GLRA1: variants seen among roughly 807,000 people sequenced by gnomAD.
GLRA1 encodes glycine receptor alpha 1, also known as glycine receptor subunit alpha-1.
GLRA1 carries 37 observed loss-of-function variants against 48.3 expected under a neutral mutation model. That is an observed-to-expected ratio of 0.77 (90% CI 0.59 to 1.01). GLRA1 has a LOEUF of 1.01. GLRA1 is among the 50% of genes least tolerant of loss of function. GLRA1 has a pLI of 0.00. For synonymous variants in GLRA1, 196 were observed against 210.7 expected (o/e 0.93, Z 0.60); for missense variants, 427 against 571.0 (o/e 0.75, Z 2.57).
At chr5:151,823,692 C>T (rs1036454123) in intron 8 of GLRA1, among the ~76,000 whole-genome samples, 1 of 152,214 alleles carries the variant, frequency 6.6e-6, no homozygotes, top group Non-Finnish European at 1.5e-5. Flanking sequence ...CATTTGGCTC[C>T]AACTTACCTT....
In GLRA1 at chr5:151,829,065, C is replaced by T. The variant is rs150716717; in HGVS notation, c.915G>A (p.Val305=). The T allele has an allele frequency of 7.2e-5, 116 of 1,613,814 alleles. No individual in the cohort carries two copies. The African/African-American group carries it at 1.2e-3, about 17-fold the overall frequency. ...AAATGTCAATGGCTTTCACATAGGACACCTAGAGTGGGGGTGGAGGAGAAA... is the reference window on the plus strand; with the variant it reads ...AAATGTCAATGGCTTTCACATAGGATACCTAGAGTGGGGGTGGAGGAGAAA... ...SSGSRASLPK[V]SYVKAIDIWM... The change falls in exon 8 of 9, where the codon GTG becomes GTA. Residue 305 remains valine, a splice_region_variant and synonymous_variant. Transcript: ENST00000274576.
At chr5:151,913,027 G>A (rs930688633) in intron 1 of GLRA1, among the ~76,000 whole-genome samples, 2 of 152,196 alleles carry the variant, frequency 1.3e-5, no homozygotes, top group African/African-American at 4.8e-5. Flanking sequence ...GCTAGGTATA[G>A]AGGCAATCCA....
chr5:151,850,687 A>C (rs1752877583), intron 7 of GLRA1: 1 of 1,235,024 alleles, frequency 8.1e-7, no homozygotes, highest in African/African-American at 1.5e-5. Flanking sequence ...GTTACTTTGA[A>C]GACTGTTGCC....
chr5:151,887,600 T>A (rs1185034949), intron 2 of GLRA1, among the ~76,000 whole-genome samples: 3 of 152,234 alleles, frequency 2.0e-5, no homozygotes, highest in African/African-American at 7.2e-5. Context: ...TGTTCATGCC[T>A]ACATAACTAG....
intron 4 of GLRA1, 111 bp from the exon 5 acceptor site, chr5:151,856,494 A>G (rs1753047352): frequency 1.4e-6 from 1 of 724,482 alleles, no homozygotes; most frequent in Non-Finnish European, 2.6e-6. Context: ...AAAGAAGGTC[A>G]GGGAACTTGT....
intron 1 of GLRA1, among the ~76,000 whole-genome samples, chr5:151,894,686 C>T (rs1303602739): frequency 2.0e-5 from 3 of 152,152 alleles, no homozygotes; most frequent in Non-Finnish European, 4.4e-5. Context: ...ACCATGGTGT[C>T]TCATACATAA....
chr5:151,892,288 T>C lies in GLRA1; in HGVS notation c.184+23A>G, dbSNP rs747798261. 2.5e-6 allele frequency: 4 copies of C among 1,611,934 alleles called. No homozygotes were observed. The East Asian group carries it at 8.9e-5, about 36-fold the overall frequency. ...ATCTGGGAAAGCATTTCCCTGTGGGTCTGGAAGGAATATTTTCTCTACCTT... is the reference window on the plus strand; with the variant it reads ...ATCTGGGAAAGCATTTCCCTGTGGGCCTGGAAGGAATATTTTCTCTACCTT... On this transcript the variant is annotated intron_variant, in intron 2 of 8. Coordinates refer to ENST00000274576, the MANE Select transcript of GLRA1 (RefSeq NM_000171.4).
chr5:151,860,423 C>A (rs1289781217), intron 3 of GLRA1, among the ~76,000 whole-genome samples: 1 of 152,050 alleles, frequency 6.6e-6, no homozygotes, highest in Non-Finnish European at 1.5e-5. Context: ...ACCCTCAACC[C>A]CAATACTACA....
At chr5:151,919,468 C>T (rs1425857454) in intron 1 of GLRA1, among the ~76,000 whole-genome samples, 1 of 152,194 alleles carries the variant, frequency 6.6e-6, no homozygotes, top group Non-Finnish European at 1.5e-5. Context: ...TGTCAATAAT[C>T]ATGTCTGGGT....
At chr5:151,913,714 G>A (rs1485466085) in intron 1 of GLRA1, among the ~76,000 whole-genome samples, 1 of 152,154 alleles carries the variant, frequency 6.6e-6, no homozygotes, top group Non-Finnish European at 1.5e-5. Flanking sequence ...GCAGCTAAAG[G>A]CTCTCTGAAG....
At chr5:151,836,248 AGG>A (rs1202506886) in intron 7 of GLRA1, among the ~76,000 whole-genome samples, 9 of 152,200 alleles carry the variant, frequency 5.9e-5, no homozygotes, top group Admixed American at 2.0e-4. Flanking sequence ...ACAGCTTACA[AGG>A]GATGTGAAGG....
intron 7 of GLRA1, among the ~76,000 whole-genome samples, chr5:151,843,406 A>C (rs111685496): frequency 0.19 from 29,297 of 151,528 alleles, 3,507 homozygotes; most frequent in South Asian, 0.32. Flanking sequence ...GACTACAGGC[A>C]CCTGCCACCA....
At chr5:151,856,216 A>C in intron 5 of GLRA1, 85 bp downstream of exon 5, 1 of 864,982 alleles carries the variant, frequency 1.2e-6, no homozygotes, top group South Asian at 1.4e-5. Flanking sequence ...TCTAGTGGTT[A>C]GGAGCAGCTG....
rs1554085896 is a variant in GLRA1 at position 151,886,737 on chromosome 5, A to G, written c.236T>C (p.Ile79Thr). The G allele has an allele frequency of 1.2e-6, 2 of 1,611,698 alleles. No individual in the cohort carries two copies. The highest frequency in any genetic ancestry group is 1.7e-6 in the Non-Finnish European group (2 of 1,177,740). The change falls in exon 3 of 9, where the codon ATT becomes ACT. Residue 79 changes from isoleucine (I) to threonine (T), a missense_variant. Around this residue, in one of 4 missense-constraint regions of GLRA1, gnomAD observed 271 missense variants for 434.9 expected, o/e 0.62. Coordinates refer to ENST00000274576, the MANE Select transcript of GLRA1 (RefSeq NM_000171.4). ...CNIFINSFGS[I>T]AETTMDYRVN... The stretch of plus-strand genomic sequence containing the variant: ...CTTACTCACCATGGTTGTCTCAGCA[A>G]TGGAACCAAAGCTGTTGATGAAAAT...
intron 7 of GLRA1, among the ~76,000 whole-genome samples, chr5:151,844,229 T>C (rs970572786): frequency 1.3e-5 from 2 of 151,484 alleles, no homozygotes; most frequent in Non-Finnish European, 2.9e-5. Flanking sequence ...TAAATCTAAA[T>C]GTGCCAAAGA....
At chr5:151,915,058 G>T (rs1400919267) in intron 1 of GLRA1, among the ~76,000 whole-genome samples, 1 of 152,088 alleles carries the variant, frequency 6.6e-6, no homozygotes, top group Non-Finnish European at 1.5e-5. Context: ...TCTTACCTTT[G>T]GCAAGTTACA....
chr5:151,829,288 A>T (rs1206225241), intron 7 of GLRA1, among the ~76,000 whole-genome samples: 1 of 152,248 alleles, frequency 6.6e-6, no homozygotes, highest in East Asian at 1.9e-4. Context: ...GGTACCTATG[A>T]CAGTACTGAA....
intron 8 of GLRA1, among the ~76,000 whole-genome samples, chr5:151,826,988 T>C (rs2964609): frequency 0.98 from 148,352 of 151,054 alleles, 72,907 homozygotes; most frequent in East Asian, 1. Flanking sequence ...AAATAAAATC[T>C]TAGAGATACT....
intron 6 of GLRA1, among the ~76,000 whole-genome samples, chr5:151,854,747 C>T (rs552963371): frequency 6.6e-6 from 1 of 152,328 alleles, no homozygotes; most frequent in South Asian, 2.1e-4. Flanking sequence ...TACTAGGTGT[C>T]TTCCCAATAT....
Sources: gnomAD v4.1 joint callset for allele counts (sites outside exome capture counted in the v4.1 genomes callset) on GRCh38, gnomAD v4.1.1 for gene constraint, gnomAD v4.1.1 regional missense constraint, MANE v1.5 for transcripts, NCBI Gene and HGNC (gene_info 2026-07-23, HGNC 2026-07-21) for gene names.